ATRNL1: variants seen among roughly 807,000 people sequenced by gnomAD.
ATRNL1 encodes attractin-like protein 1.
ATRNL1 carries 95 observed loss-of-function variants against 182.7 expected under a neutral mutation model. That is an observed-to-expected ratio of 0.52 (90% CI 0.44 to 0.62). The LOEUF (loss-of-function observed/expected upper bound fraction) is 0.62. Among genes scored for constraint, ATRNL1 ranks in the 20% least tolerant of loss-of-function variants. ATRNL1 has a pLI of 0.00. For missense variants in ATRNL1, 1,471 were observed against 1,679.5 expected (o/e 0.88, Z 2.17); for synonymous variants, 576 against 568.3 (o/e 1.01, Z -0.19).
At chr10:115,430,563 G>A (rs1422577642) in intron 21 of ATRNL1, among the ~76,000 whole-genome samples, 2 of 152,014 alleles carry the variant, frequency 1.3e-5, no homozygotes, top group African/African-American at 4.8e-5. Context: ...TAGGTAAATT[G>A]CATGTTGTGG....
At chr10:115,916,113 G>A (rs973138209) in intron 28 of ATRNL1, among the ~76,000 whole-genome samples, 2 of 152,024 alleles carry the variant, frequency 1.3e-5, no homozygotes, top group Admixed American at 1.3e-4. Flanking sequence ...TCCTTCTCAC[G>A]AATTTGTCTA....
intron 8 of ATRNL1, among the ~76,000 whole-genome samples, chr10:115,187,159 CTG>C (rs1225292318): frequency 2.7e-5 from 4 of 150,470 alleles, no homozygotes; most frequent in South Asian, 4.2e-4. Context: ...TACTTGTACA[CTG>C]TTTCTGGGAA....
intron 25 of ATRNL1, among the ~76,000 whole-genome samples, chr10:115,529,924 A>G (rs1372057831): frequency 6.6e-6 from 1 of 152,022 alleles, no homozygotes; most frequent in Non-Finnish European, 1.5e-5. Context: ...AAAATCACTA[A>G]TCTACTTTCT....
At chr10:115,762,123 CTG>C (rs1354294954) in intron 27 of ATRNL1, among the ~76,000 whole-genome samples, 2 of 152,166 alleles carry the variant, frequency 1.3e-5, no homozygotes, top group East Asian at 1.9e-4. Flanking sequence ...CACATGAACT[CTG>C]GGGAATATGA....
chr10:115,727,537 C>A (rs1433078433), intron 27 of ATRNL1, among the ~76,000 whole-genome samples, 182 bp downstream of exon 27: 1 of 152,140 alleles, frequency 6.6e-6, no homozygotes, highest in African/African-American at 2.4e-5. Flanking sequence ...TGAGCTGTAA[C>A]CAAAGCCACT....
chr10:115,531,466 G>A (rs2133747610), intron 25 of ATRNL1, among the ~76,000 whole-genome samples: 1 of 152,194 alleles, frequency 6.6e-6, no homozygotes, highest in East Asian at 1.9e-4. Flanking sequence ...GCCACTTTTT[G>A]ATGGGGTTGT....
chr10:115,219,190 C>A (rs553713915), intron 9 of ATRNL1, among the ~76,000 whole-genome samples: 11 of 150,568 alleles, frequency 7.3e-5, no homozygotes, highest in African/African-American at 2.7e-4. Flanking sequence ...TGAGATCGCG[C>A]CACTGCACTC....
At chr10:115,307,635 CTT>C (rs1464184091) in intron 17 of ATRNL1, among the ~76,000 whole-genome samples, 1 of 152,076 alleles carries the variant, frequency 6.6e-6, no homozygotes, top group Non-Finnish European at 1.5e-5. Flanking sequence ...CTCAAGGAGA[CTT>C]TGTATTTCTG....
chr10:115,923,834 C>A (rs1177623726), intron 28 of ATRNL1, among the ~76,000 whole-genome samples: 2 of 152,182 alleles, frequency 1.3e-5, no homozygotes, highest in Non-Finnish European at 2.9e-5. Flanking sequence ...CGCCTACTGT[C>A]TTCCACAATG....
intron 28 of ATRNL1, among the ~76,000 whole-genome samples, chr10:115,861,255 A>G (rs1555103426): frequency 6.6e-6 from 1 of 152,074 alleles, no homozygotes; most frequent in Admixed American, 6.5e-5. Flanking sequence ...TTCATTTACT[A>G]TTATAAAATT....
At chr10:115,859,274 G>T (rs543182202) in intron 28 of ATRNL1, among the ~76,000 whole-genome samples, 1 of 151,810 alleles carries the variant, frequency 6.6e-6, no homozygotes, top group African/African-American at 2.4e-5. Context: ...AGAATGGAAG[G>T]GTTCTGAGTC....
At chr10:115,374,009 T>G (rs1383763358) in intron 19 of ATRNL1, among the ~76,000 whole-genome samples, 1 of 151,930 alleles carries the variant, frequency 6.6e-6, no homozygotes, top group Admixed American at 6.6e-5. Flanking sequence ...AGCTTTTCTT[T>G]GATGGTAGAC....
intron 26 of ATRNL1, among the ~76,000 whole-genome samples, chr10:115,627,489 C>T (rs1257523624): frequency 5.9e-5 from 9 of 152,090 alleles, no homozygotes; most frequent in East Asian, 3.9e-4. Flanking sequence ...CTCAGCCTCC[C>T]GAGTAACTGA....
chr10:115,880,854 G>T (rs1951811196), intron 28 of ATRNL1, among the ~76,000 whole-genome samples: 1 of 152,188 alleles, frequency 6.6e-6, no homozygotes, highest in Admixed American at 6.5e-5. Context: ...TGAAAGGACT[G>T]CTTTAGAAGA....
chr10:115,305,227 C>A (rs1383473020), intron 17 of ATRNL1, among the ~76,000 whole-genome samples: 1 of 152,020 alleles, frequency 6.6e-6, no homozygotes, highest in Non-Finnish European at 1.5e-5. Flanking sequence ...TCTCAGTGGT[C>A]CAGTCAAATA....
chr10:115,630,995 A>T (rs76012220), intron 26 of ATRNL1, among the ~76,000 whole-genome samples: 2 of 151,808 alleles, frequency 1.3e-5, no homozygotes, highest in East Asian at 3.9e-4. Context: ...GCAGGATCTT[A>T]CTTATATGTG....
chr10:115,133,156 C>A (rs549759570), intron 5 of ATRNL1, among the ~76,000 whole-genome samples: 4 of 152,234 alleles, frequency 2.6e-5, no homozygotes, highest in South Asian at 4.1e-4. Flanking sequence ...ATATGGCTAG[C>A]CAGTTTTCCC....
At chr10:115,527,957 C>A (rs1565133111) in intron 25 of ATRNL1, among the ~76,000 whole-genome samples, 1 of 94,220 alleles carries the variant, frequency 1.1e-5, no homozygotes, top group African/African-American at 4.2e-5. Flanking sequence ...TCCTTCTTTC[C>A]TTCCCTCCCT....
At chr10:115,301,614 T>G (rs528691524) in intron 16 of ATRNL1, among the ~76,000 whole-genome samples, 1 of 152,300 alleles carries the variant, frequency 6.6e-6, no homozygotes, top group South Asian at 2.1e-4. Flanking sequence ...TACTTAAAAT[T>G]ATACAACTTT....
Sources: allele counts gnomAD v4.1 joint callset (sites outside exome capture counted in the v4.1 genomes callset), GRCh38; gene constraint gnomAD v4.1.1; transcripts MANE v1.5; gene names NCBI Gene and HGNC (gene_info 2026-07-23, HGNC 2026-07-21).